Variants in MIDEAS observed in about 807,000 individuals in gnomAD.
The protein encoded by MIDEAS is mitotic deacetylase associated SANT domain protein.
Under a neutral mutation model 102.7 loss-of-function variants are expected in MIDEAS, and 26 were observed. That is an observed-to-expected ratio of 0.25 (90% confidence interval 0.19 to 0.35). The LOEUF is 0.35. MIDEAS is among the 10% of genes least tolerant of loss of function. MIDEAS has a pLI of 1.00. For synonymous variants in MIDEAS, 585 were observed against 591.0 expected, an observed-to-expected ratio of 0.99 and a Z score of 0.15; for missense variants, 1,231 against 1,435.6, an observed-to-expected ratio of 0.86 and a Z score of 2.30.
At chr14:73,721,804 C>T (rs1595251190) in intron 10 of MIDEAS, among the ~76,000 whole-genome samples, 1 of 152,264 alleles carries the variant, frequency 6.6e-6, no homozygotes, top group Admixed American at 6.5e-5. Context: ...GAGGCATCCT[C>T]GGCAATGATG....
chr14:73,747,848 C>T lies in MIDEAS; in HGVS notation c.-247-7593G>A, dbSNP rs553711052. Among the ~76,000 whole-genome samples the T allele has an allele frequency of 6.1e-4, 93 of 152,270 alleles. 1 individual carries two copies. In the South Asian group the frequency reaches 0.011, roughly 18 times the overall value. On this transcript the variant is annotated intron_variant, in intron 1 of 12. Transcript: ENST00000423556. ...CACCACTCCCCATTCCCCAAAGGCA[C>T]TACCTGTCAGAGTGCTATGGCCTGC...
chr14:73,778,271 G>A (rs1377086899), intron 1 of MIDEAS, among the ~76,000 whole-genome samples: 2 of 151,658 alleles, frequency 1.3e-5, no homozygotes, highest in Non-Finnish European at 2.9e-5. Flanking sequence ...AGGAGAACAG[G>A]AGAATCACTT....
intron 10 of MIDEAS, 112 bp downstream of exon 10, chr14:73,722,586 C>T (rs2053009661): frequency 7.5e-7 from 1 of 1,338,992 alleles, no homozygotes; most frequent in African/African-American, 1.5e-5. Flanking sequence ...ACACTGTCTT[C>T]CTCAACCTGC....
intron 1 of MIDEAS, among the ~76,000 whole-genome samples, chr14:73,785,329 C>A (rs1397170260): frequency 1.3e-5 from 2 of 152,220 alleles, no homozygotes; most frequent in African/African-American, 4.8e-5. Flanking sequence ...TGGCTCCCTT[C>A]CTGCAAGGCA....
chr14:73,787,119 G>C (rs1238624162), exon 1 of MIDEAS: 1 of 149,798 alleles, frequency 6.7e-6, no homozygotes, highest in Non-Finnish European at 1.5e-5. Context: ...CTGGATCCCC[G>C]GGCTGCTCGG....
chr14:73,739,470 C>T lies in MIDEAS; in HGVS notation c.539G>A (p.Arg180Gln), dbSNP rs772282790. The change falls in exon 2 of 13, where the codon CGA becomes CAA. Residue 180 changes from arginine to glutamine, a missense_variant. Physicochemically the swap from Arg to Gln is conservative, Grantham distance 43. Transcript: ENST00000423556. The part of the protein sequence containing the change: ...AGGPQLDRYV[R>Q]PMMPQKVQLE... ...CTGCACCTTCTGTGGCATCATTGGT[C>T]GCACATAGCGGTCCAGCTGTGGGCC... is the stretch of plus-strand genomic sequence containing the variant. 33 of 1,604,730 alleles carry T rather than the reference C, an allele frequency of 2.1e-5. No homozygotes were observed. The African/African-American group carries it at 2.7e-4, about 13-fold the overall frequency.
intron 1 of MIDEAS, among the ~76,000 whole-genome samples, chr14:73,783,221 G>A (rs1212956722): frequency 1.3e-5 from 2 of 152,134 alleles, no homozygotes; most frequent in South Asian, 2.1e-4. Context: ...CTCAGCACAG[G>A]GCCCAGGGTG....
At chr14:73,766,514 T>C (rs937707124) in intron 1 of MIDEAS, among the ~76,000 whole-genome samples, 2 of 152,184 alleles carry the variant, frequency 1.3e-5, no homozygotes, top group Non-Finnish European at 2.9e-5. Context: ...ATAGCCTGTA[T>C]AGTTTAATTA....
chr14:73,730,008 G>A, intron 3 of MIDEAS, 23 bp from the exon 4 acceptor site: 1 of 1,603,446 alleles, frequency 6.2e-7, no homozygotes, highest in Non-Finnish European at 8.5e-7. Flanking sequence ...AGAAAACAAG[G>A]ACGGCTCAGC....
intron 1 of MIDEAS, among the ~76,000 whole-genome samples, chr14:73,774,826 T>C (rs944786899): frequency 2.0e-4 from 31 of 152,104 alleles, no homozygotes; most frequent in African/African-American, 6.7e-4. Context: ...CCACCAGACA[T>C]AGGCCAGGTC....
rs570945539 is a variant in MIDEAS, at chr14:73,787,159, C to A, written c.-305G>T. On this transcript the variant is annotated 5_prime_UTR_variant, in exon 1 of 12. Coordinates refer to the MIDEAS transcript ENST00000394071. The stretch of plus-strand genomic sequence containing the variant: ...GTGCGGGGCGCAGGCGAGTGCGGCC[C>A]GCAGACTCTAACTTTGTTGCTCTCG... 7.7e-4 allele frequency: 116 copies of A among 149,694 alleles called. No individual in the cohort carries two copies. The East Asian group carries it at 0.011, about 14-fold the overall frequency. 9.3% of individuals were successfully genotyped at this position (149,694 alleles called of 1,614,324 possible). A position where few individuals can be genotyped will look rare whatever the true frequency, so the allele number is the denominator to read the frequency against.
chr14:73,757,138 G>A (rs1475445380), intron 1 of MIDEAS, among the ~76,000 whole-genome samples: 1 of 151,790 alleles, frequency 6.6e-6, no homozygotes, highest in African/African-American at 2.4e-5. Context: ...CAGGTGTGGT[G>A]ATGTGTACCC....
upstream of MIDEAS, chr14:73,789,230 TA>T (rs539382512): frequency 1.0e-3 from 152 of 145,288 alleles, no homozygotes; most frequent in Admixed American, 9.6e-4. Flanking sequence ...GACTAGGTTA[TA>T]AAAAAAAAAA....
intron 3 of MIDEAS, among the ~76,000 whole-genome samples, chr14:73,732,528 G>GT (rs2053151103): frequency 6.6e-6 from 1 of 151,972 alleles, no homozygotes. Flanking sequence ...GCTCACGCCT[G>GT]TAATCTCAGC....
At chr14:73,775,733 A>C (rs2053682871) in intron 1 of MIDEAS, among the ~76,000 whole-genome samples, 1 of 152,060 alleles carries the variant, frequency 6.6e-6, no homozygotes, top group Non-Finnish European at 1.5e-5. Flanking sequence ...GAACTGAATG[A>C]CCAAGATTCC....
At chr14:73,774,736 A>T (rs546975785) in intron 1 of MIDEAS, among the ~76,000 whole-genome samples, 8 of 151,914 alleles carry the variant, frequency 5.3e-5, no homozygotes, top group Non-Finnish European at 1.0e-4. Context: ...TAGCAGAGAC[A>T]CCAAGGTGGC....
At chr14:73,760,461 C>T (rs187602500), upstream of MIDEAS, among the ~76,000 whole-genome samples, 1,737 of 152,356 alleles carry the variant, frequency 0.011, 36 homozygotes, top group African/African-American at 0.04. The surrounding 1 kb of genome is among the most constrained non-coding windows in gnomAD (Gnocchi z 4.8). Context: ...CCGTCCCCAT[C>T]CCCCGCCCAG....
intron 1 of MIDEAS, among the ~76,000 whole-genome samples, chr14:73,768,227 C>T (rs2053608121): frequency 6.6e-6 from 1 of 152,088 alleles, no homozygotes; most frequent in African/African-American, 2.4e-5. Context: ...GAGTCCACCC[C>T]AGCACCCTTG....
chr14:73,751,294 C>T (rs1003577628), intron 1 of MIDEAS, among the ~76,000 whole-genome samples: 1 of 152,220 alleles, frequency 6.6e-6, no homozygotes, highest in South Asian at 2.1e-4. Context: ...ACTTCCTCCC[C>T]CAAGAGTTTC....
Sources: allele counts gnomAD v4.1 joint callset (sites outside exome capture counted in the v4.1 genomes callset), GRCh38; gene constraint gnomAD v4.1.1; non-coding constraint Gnocchi (gnomAD v3.1); transcripts MANE v1.5; gene names NCBI Gene and HGNC (gene_info 2026-07-23, HGNC 2026-07-21).